The following HOOK3 variants were observed in gnomAD, a reference collection of about 807,000 sequenced individuals.
HOOK3 encodes hook microtubule tethering protein 3.
A neutral mutation model predicts 116.3 loss-of-function variants in HOOK3; 24 were observed. The observed-to-expected ratio is 0.21, with a 90% CI of 0.15 to 0.29. The LOEUF is 0.29. Among genes scored for constraint, HOOK3 ranks in the 10% least tolerant of loss-of-function variants. The pLI is 1.00. For missense variants in HOOK3, 632 were observed against 830.2 expected (o/e 0.76, Z 2.93); for synonymous variants, 275 against 283.0 (o/e 0.97, Z 0.28).
chr8:42,927,060 A>G (rs1807779127), intron 3 of HOOK3, among the ~76,000 whole-genome samples: 1 of 152,230 alleles, frequency 6.6e-6, no homozygotes, highest in Non-Finnish European at 1.5e-5. Flanking sequence ...ACTCAGACAT[A>G]CAAATGATTT....
At chr8:43,017,020 A>G (rs545922663) in intron 21 of HOOK3, among the ~76,000 whole-genome samples, 275 of 132,006 alleles carry the variant, frequency 2.1e-3, no homozygotes, top group Admixed American at 4.0e-3. Flanking sequence ...AAAAAAATGA[A>G]AAAAGATAAA....
At chr8:42,996,032 A>G (rs1809258065) in intron 15 of HOOK3, among the ~76,000 whole-genome samples, 1 of 152,132 alleles carries the variant, frequency 6.6e-6, no homozygotes, top group Non-Finnish European at 1.5e-5. Context: ...GTATCACCCA[A>G]GACCTTGGGA....
intron 16 of HOOK3, chr8:42,997,958 A>G: frequency 4.0e-6 from 1 of 249,538 alleles, no homozygotes; most frequent in Non-Finnish European, 7.8e-6. Flanking sequence ...GGCCAAAAAA[A>G]AAATTGCTAG....
chr8:43,027,703 T>G lies in HOOK3; in HGVS notation c.*9205T>G, dbSNP rs1809957245. The G allele has an allele frequency of 4.8e-6, 1 of 206,846 alleles. No individual in the cohort carries two copies. Among genetic ancestry groups the G allele is most frequent in the African/African-American group, 2.3e-5 (1 of 43,686 alleles). 12.8% of individuals were successfully genotyped at this position (206,846 alleles called of 1,614,324 possible). A position where few individuals can be genotyped will look rare whatever the true frequency, so the allele number is the denominator to read the frequency against. ...AGTCTCTAAGTATCTTAACTTCCAT[T>G]GTCTTCTTGTTAACCTAGACAAGAG... On this transcript the variant is annotated 3_prime_UTR_variant, in exon 22 of 22. Transcript: ENST00000307602.
At chr8:42,976,263 G>A (rs1808825908) in intron 13 of HOOK3, among the ~76,000 whole-genome samples, 1 of 151,882 alleles carries the variant, frequency 6.6e-6, no homozygotes, top group African/African-American at 2.4e-5. Context: ...TCTAACCCTT[G>A]GGGAGGCTGA....
chr8:42,957,179 TA>T (rs1563300762), intron 7 of HOOK3, 23 bp downstream of exon 7: 1 of 1,471,982 alleles, frequency 6.8e-7, no homozygotes, highest in Admixed American at 1.8e-5. Flanking sequence ...ACATTGTTTT[TA>T]TTCATGAAAA....
At chr8:42,933,632 T>G (rs1807911848) in intron 4 of HOOK3, among the ~76,000 whole-genome samples, 1 of 152,246 alleles carries the variant, frequency 6.6e-6, no homozygotes, top group South Asian at 2.1e-4. Context: ...TACTTTCATG[T>G]TTTGGTAGAG....
intron 6 of HOOK3, 81 bp downstream of exon 6, chr8:42,950,536 T>C: frequency 2.5e-6 from 2 of 789,460 alleles, no homozygotes; most frequent in Non-Finnish European, 4.2e-6. Flanking sequence ...TGGAAAATTT[T>C]AAGAGATTCT....
intron 6 of HOOK3, among the ~76,000 whole-genome samples, chr8:42,950,778 T>C (rs952818162): frequency 6.6e-6 from 1 of 151,982 alleles, no homozygotes; most frequent in Non-Finnish European, 1.5e-5. Context: ...TTCCACCTCC[T>C]GGGTTCAAGT....
At chr8:42,944,902 T>A (rs1190391982) in intron 5 of HOOK3, among the ~76,000 whole-genome samples, 2 of 152,168 alleles carry the variant, frequency 1.3e-5, no homozygotes, top group African/African-American at 2.4e-5. Context: ...CTGAAAACTG[T>A]CTTTTATTTT....
At chr8:42,897,729 A>T (rs759146465) in intron 1 of HOOK3, among the ~76,000 whole-genome samples, 1 of 152,272 alleles carries the variant, frequency 6.6e-6, no homozygotes, top group South Asian at 2.1e-4. Context: ...CTGGGCGTCA[A>T]CAATGGAACT....
At chr8:43,011,244 C>T (rs1041361236) in intron 19 of HOOK3, among the ~76,000 whole-genome samples, 7 of 152,054 alleles carry the variant, frequency 4.6e-5, no homozygotes, top group Admixed American at 2.0e-4. Flanking sequence ...CCGCCCGCCT[C>T]GGCCTCCCAA....
chr8:42,975,210 C>T (rs972974713), intron 13 of HOOK3, among the ~76,000 whole-genome samples: 1 of 152,200 alleles, frequency 6.6e-6, no homozygotes, highest in Non-Finnish European at 1.5e-5. Flanking sequence ...CGCCGCCGGG[C>T]TGGGACACCT....
At chr8:42,919,469 G>A (rs1467418548) in intron 2 of HOOK3, among the ~76,000 whole-genome samples, 2 of 150,540 alleles carry the variant, frequency 1.3e-5, no homozygotes, top group African/African-American at 4.9e-5. Flanking sequence ...CTGGGCGGCC[G>A]GGCAGAGGGG....
At chr8:42,898,736 T>A (rs561058568) in intron 1 of HOOK3, among the ~76,000 whole-genome samples, 81 of 152,300 alleles carry the variant, frequency 5.3e-4, no homozygotes, top group African/African-American at 1.9e-3. Context: ...TAAAGAGGTG[T>A]ACAGAGGCTC....
chr8:42,978,084 C>T (rs545299582), intron 13 of HOOK3, among the ~76,000 whole-genome samples: 4 of 152,096 alleles, frequency 2.6e-5, no homozygotes, highest in Non-Finnish European at 5.9e-5. Context: ...ACTTATTTCT[C>T]CAGAGCCAGA....
intron 13 of HOOK3, among the ~76,000 whole-genome samples, chr8:42,977,899 CACTT>C (rs1279342150): frequency 6.6e-6 from 1 of 151,934 alleles, no homozygotes; most frequent in African/African-American, 2.4e-5. Context: ...AAAACAAAAA[CACTT>C]AACCATTAAA....
chr8:42,971,370 G>T (rs963341457), intron 11 of HOOK3, among the ~76,000 whole-genome samples: 6 of 149,680 alleles, frequency 4.0e-5, no homozygotes, highest in African/African-American at 1.5e-4. Context: ...AGGTTCAAGC[G>T]ATTCTCCTGC....
chr8:42,987,311 G>A (rs977222356), intron 15 of HOOK3, among the ~76,000 whole-genome samples: 2 of 152,204 alleles, frequency 1.3e-5, no homozygotes, highest in African/African-American at 4.8e-5. Context: ...GGCCTTTTTA[G>A]AATGGTGTTG....
Sources: gnomAD v4.1 joint callset for allele counts (sites outside exome capture counted in the v4.1 genomes callset) on GRCh38, gnomAD v4.1.1 for gene constraint, MANE v1.5 for transcripts, NCBI Gene and HGNC (gene_info 2026-07-23, HGNC 2026-07-21) for gene names.